Variants in HMGB1 observed in about 807,000 individuals in gnomAD.
HMGB1 encodes high mobility group box 1, also known as high mobility group protein B1.
For synonymous variants in HMGB1, 81 were observed against 84.0 expected (o/e 0.96, Z 0.19); for missense variants, 79 against 253.5 (o/e 0.31, Z 4.67).
intron 1 of HMGB1, among the ~76,000 whole-genome samples, chr13:30,497,396 T>G (rs1018806959): frequency 1.4e-4 from 21 of 151,162 alleles, no homozygotes; most frequent in Non-Finnish European, 2.7e-4. Flanking sequence ...CCAGCTAATT[T>G]CTTTTTGTAT....
intron 1 of HMGB1, among the ~76,000 whole-genome samples, chr13:30,486,283 T>A (rs1887361138): frequency 6.6e-6 from 1 of 152,234 alleles, no homozygotes; most frequent in Non-Finnish European, 1.5e-5. Flanking sequence ...ATCACCCATA[T>A]GGTCCCACAT....
intron 1 of HMGB1, 80 bp from the exon 2 acceptor site, chr13:30,463,774 A>G: frequency 1.2e-6 from 1 of 860,940 alleles, no homozygotes; most frequent in Non-Finnish European, 1.7e-6. Context: ...AAGGGAATGA[A>G]AACCAAAGTA....
chr13:30,567,682 G>C (rs1435417446), intron 1 of HMGB1, among the ~76,000 whole-genome samples: 1 of 152,130 alleles, frequency 6.6e-6, no homozygotes, highest in Non-Finnish European at 1.5e-5. Context: ...ACACACTTGA[G>C]GCCCAGTAAA....
chr13:30,465,396 C>CGCCGA (rs1402241945), intron 1 of HMGB1, among the ~76,000 whole-genome samples: 3 of 142,874 alleles, frequency 2.1e-5, no homozygotes, highest in Admixed American at 6.9e-5. Flanking sequence ...CCGCCGCCGC[C>CGCCGA]GCCGAGCCGC....
intron 1 of HMGB1, chr13:30,464,787 G>GTGTA (rs1164342472): frequency 8.7e-6 from 2 of 229,014 alleles, no homozygotes; most frequent in African/African-American, 5.1e-5. Flanking sequence ...GTGTGTGTGT[G>GTGTA]TATGAGAGAG....
At chr13:30,530,345 A>G (rs146399839) in intron 1 of HMGB1, among the ~76,000 whole-genome samples, 33 of 152,320 alleles carry the variant, frequency 2.2e-4, no homozygotes, top group African/African-American at 7.7e-4. Context: ...AAATCCTAAA[A>G]TATCTGAAGT....
At chr13:30,555,517 TG>T (rs1416768807) in intron 1 of HMGB1, among the ~76,000 whole-genome samples, 2 of 152,174 alleles carry the variant, frequency 1.3e-5, no homozygotes, top group Admixed American at 1.3e-4. Flanking sequence ...TTTCCTGGGA[TG>T]GGTTCATGTA....
intron 1 of HMGB1, among the ~76,000 whole-genome samples, chr13:30,490,577 C>A (rs1382334154): frequency 1.3e-5 from 2 of 150,954 alleles, no homozygotes; most frequent in Non-Finnish European, 2.9e-5. Flanking sequence ...TGACATTTTG[C>A]CACTGCACTC....
chr13:30,613,195 T>G (rs888152422), intron 1 of HMGB1, among the ~76,000 whole-genome samples: 1 of 152,196 alleles, frequency 6.6e-6, no homozygotes, highest in Non-Finnish European at 1.5e-5. Context: ...TTTTCATGCC[T>G]CATCCTCCTG....
chr13:30,546,349 C>T (rs1185577914), intron 1 of HMGB1, among the ~76,000 whole-genome samples: 2 of 152,130 alleles, frequency 1.3e-5, no homozygotes, highest in African/African-American at 2.4e-5. Context: ...CTCCTGACCT[C>T]GTGATCTGCC....
intron 1 of HMGB1, among the ~76,000 whole-genome samples, chr13:30,573,610 T>C (rs748020125): frequency 2.0e-5 from 3 of 151,536 alleles, no homozygotes; most frequent in Admixed American, 1.3e-4. Flanking sequence ...AAATAAATAC[T>C]GGAGAGGAAA....
At chr13:30,593,357 A>G (rs1314026979) in intron 1 of HMGB1, among the ~76,000 whole-genome samples, 2 of 152,230 alleles carry the variant, frequency 1.3e-5, no homozygotes, top group African/African-American at 2.4e-5. Flanking sequence ...CCATGTCAGG[A>G]TAACAAGAAT....
chr13:30,573,225 G>T (rs78322121), intron 1 of HMGB1, among the ~76,000 whole-genome samples: 1,550 of 152,208 alleles, frequency 0.01, 34 homozygotes, highest in African/African-American at 0.035. Flanking sequence ...TTACTCTCTA[G>T]AAACACTACA....
In HMGB1 at chr13:30,459,394, A is replaced by G. The variant is rs913758376; in HGVS notation, c.*1963T>C. On this transcript the variant is annotated 3_prime_UTR_variant, in exon 5 of 5. Coordinates refer to ENST00000341423, the MANE Select transcript of HMGB1 (RefSeq NM_002128.7). Reference sequence around the variant, plus strand: ...TCATGACGTACCTACTAAAGTTACAAATTCTCCTTGAGCCAGAATTCATTT... The same window carrying G: ...TCATGACGTACCTACTAAAGTTACAGATTCTCCTTGAGCCAGAATTCATTT... The G allele has an allele frequency of 6.6e-6, 1 of 152,220 alleles. No homozygotes were observed. Among genetic ancestry groups the G allele is most frequent in the African/African-American group, 2.4e-5 (1 of 41,458 alleles). 9.4% of individuals were successfully genotyped at this position (152,220 alleles called of 1,614,324 possible).
chr13:30,575,534 T>C (rs575003665), intron 1 of HMGB1, among the ~76,000 whole-genome samples: 1 of 152,196 alleles, frequency 6.6e-6, no homozygotes, highest in South Asian at 2.1e-4. Flanking sequence ...ATAAACTGTC[T>C]GTTACTGACA....
At chr13:30,462,328 T>C (rs1886400730) in intron 4 of HMGB1, 8 of 603,042 alleles carry the variant, frequency 1.3e-5, no homozygotes, top group South Asian at 1.2e-4. Flanking sequence ...CCAACATAAA[T>C]GTACACAGCC....
At chr13:30,525,087 T>C (rs911653484) in intron 1 of HMGB1, among the ~76,000 whole-genome samples, 3 of 152,212 alleles carry the variant, frequency 2.0e-5, no homozygotes, top group African/African-American at 4.8e-5. Context: ...ATTAAAATAA[T>C]AGAAGTTTCT....
intron 1 of HMGB1, among the ~76,000 whole-genome samples, chr13:30,536,194 AT>A (rs1222293308): frequency 2.6e-5 from 4 of 152,136 alleles, no homozygotes; most frequent in Non-Finnish European, 5.9e-5. Context: ...TTAACCAATT[AT>A]TTTTCTCCTC....
Position 30,534,469 on chromosome 13 carries a change from G to C in HMGB1, c.-14-70775C>G, listed in dbSNP as rs573092072. Among the ~76,000 whole-genome samples, 15 of 152,194 alleles carry C rather than the reference G, an allele frequency of 9.9e-5. No homozygotes were observed. In the South Asian group the frequency reaches 3.1e-3, roughly 32 times the overall value. ...TTTTTTCCCCACACATATTTAAGGAGAGCCTTGTCAACTTTCCAAGGACTG... is the reference window on the plus strand; with the variant it reads ...TTTTTTCCCCACACATATTTAAGGACAGCCTTGTCAACTTTCCAAGGACTG... On this transcript the variant is annotated intron_variant, in intron 1 of 4. Coordinates refer to the HMGB1 transcript ENST00000405805.
Sources: gnomAD v4.1 joint callset for allele counts (sites outside exome capture counted in the v4.1 genomes callset) on GRCh38, gnomAD v4.1.1 for gene constraint, MANE v1.5 for transcripts, NCBI Gene and HGNC (gene_info 2026-07-23, HGNC 2026-07-21) for gene names.